Variants in NKAIN2 observed in about 807,000 individuals in gnomAD.
NKAIN2 encodes the protein sodium/potassium-transporting ATPase subunit beta-1-interacting protein 2.
In NKAIN2, 14 loss-of-function variants were observed where a neutral mutation model predicts 32.6. The ratio of observed to expected loss-of-function variants is 0.43; its 90% CI spans 0.28 to 0.67. The LOEUF (loss-of-function observed/expected upper bound fraction) is 0.67, where lower values mean the gene tolerates loss of function less well. Among genes scored for constraint, NKAIN2 ranks in the 30% least tolerant of loss-of-function variants. NKAIN2 has a pLI of 0.17. For missense variants in NKAIN2, 198 were observed against 258.3 expected (o/e 0.77, Z 1.60); for synonymous variants, 80 against 87.2 (o/e 0.92, Z 0.46).
chr6:124,008,647 G>T (rs1780186488), intron 1 of NKAIN2, among the ~76,000 whole-genome samples: 2 of 152,046 alleles, frequency 1.3e-5, no homozygotes, highest in Non-Finnish European at 1.5e-5. Flanking sequence ...GCGTGTTTAT[G>T]AAAATCCTTG....
chr6:123,894,895 T>C (rs1479470133), intron 1 of NKAIN2, among the ~76,000 whole-genome samples: 1 of 151,942 alleles, frequency 6.6e-6, no homozygotes, highest in Admixed American at 6.6e-5. Flanking sequence ...AATATATCAG[T>C]CAGGCTAAAT....
intron 1 of NKAIN2, among the ~76,000 whole-genome samples, chr6:123,832,205 T>C (rs998151793): frequency 2.6e-5 from 4 of 152,212 alleles, no homozygotes; most frequent in Non-Finnish European, 5.9e-5. Context: ...TTTCCAGATA[T>C]CATATAGTTG....
intron 1 of NKAIN2, among the ~76,000 whole-genome samples, chr6:124,020,997 T>C (rs1243768629): frequency 6.6e-6 from 1 of 152,118 alleles, no homozygotes; most frequent in East Asian, 1.9e-4. Flanking sequence ...GACTATGGAA[T>C]ATATAACCAT....
At chr6:124,386,556 T>G (rs1028954460) in intron 3 of NKAIN2, among the ~76,000 whole-genome samples, 1 of 152,190 alleles carries the variant, frequency 6.6e-6, no homozygotes, top group African/African-American at 2.4e-5. Flanking sequence ...CATTGAAAGC[T>G]CTGCTCTTGT....
chr6:123,976,371 CCATATATATATA>C (rs1778617829), intron 1 of NKAIN2, among the ~76,000 whole-genome samples: 1 of 5,452 alleles, frequency 1.8e-4, no homozygotes, highest in African/African-American at 3.9e-4. Context: ...ATATATATTC[CCATATATATATA>C]TATATATATA....
chr6:124,287,084 C>T (rs1412056658), intron 2 of NKAIN2, among the ~76,000 whole-genome samples: 1 of 152,156 alleles, frequency 6.6e-6, no homozygotes, highest in African/African-American at 2.4e-5. Flanking sequence ...ACCTTTAAAA[C>T]ATCATAAAGC....
chr6:124,049,895 G>A (rs745880613), intron 1 of NKAIN2, among the ~76,000 whole-genome samples: 15 of 152,004 alleles, frequency 9.9e-5, no homozygotes, highest in Non-Finnish European at 2.1e-4. Flanking sequence ...CAGTTTGGAC[G>A]TGCCAAAGAC....
intron 3 of NKAIN2, among the ~76,000 whole-genome samples, chr6:124,444,117 A>G (rs752612572): frequency 2.0e-5 from 3 of 152,126 alleles, no homozygotes; most frequent in Non-Finnish European, 2.9e-5. Context: ...AGCACCTGGC[A>G]TGCAGTAGGA....
At chr6:124,658,478 A>T (rs1162878032) in intron 4 of NKAIN2, 92 bp downstream of exon 4, 2 of 1,591,854 alleles carry the variant, frequency 1.3e-6, no homozygotes. Context: ...ATCTGTGGGT[A>T]AAGTGTGGCC....
chr6:124,621,233 G>A (rs1783096644), intron 3 of NKAIN2, among the ~76,000 whole-genome samples: 1 of 152,166 alleles, frequency 6.6e-6, no homozygotes, highest in African/African-American at 2.4e-5. Context: ...GGACTACGCT[G>A]ATGGAATTTC....
At chr6:123,920,927 G>A (rs1167924594) in intron 1 of NKAIN2, among the ~76,000 whole-genome samples, 1 of 152,190 alleles carries the variant, frequency 6.6e-6, no homozygotes, top group African/African-American at 2.4e-5. Context: ...TAAGGATGTT[G>A]TTTGTAATCT....
intron 1 of NKAIN2, among the ~76,000 whole-genome samples, chr6:123,855,373 A>G (rs1775517491): frequency 1.3e-5 from 2 of 152,248 alleles, no homozygotes; most frequent in African/African-American, 4.8e-5. Flanking sequence ...TCAATGTGAC[A>G]TCATATTTCC....
intron 2 of NKAIN2, among the ~76,000 whole-genome samples, chr6:124,288,971 T>C (rs1795683091): frequency 7.3e-6 from 1 of 136,610 alleles, no homozygotes; most frequent in Non-Finnish European, 1.5e-5. Context: ...TGGTTTCCTG[T>C]TTTGTTACTG....
At chr6:124,461,341 C>A (rs1776523761) in intron 3 of NKAIN2, among the ~76,000 whole-genome samples, 1 of 151,690 alleles carries the variant, frequency 6.6e-6, no homozygotes, top group Non-Finnish European at 1.5e-5. Flanking sequence ...AGACTGATTT[C>A]TTTCCACACT....
intron 1 of NKAIN2, among the ~76,000 whole-genome samples, chr6:124,188,052 T>A (rs984171899): frequency 6.6e-6 from 1 of 152,212 alleles, no homozygotes; most frequent in Non-Finnish European, 1.5e-5. Context: ...AGCCTTATTA[T>A]TCCACATTAC....
At chr6:123,963,990 CCAAA>C (rs931148909) in intron 1 of NKAIN2, among the ~76,000 whole-genome samples, 1 of 151,988 alleles carries the variant, frequency 6.6e-6, no homozygotes, top group Non-Finnish European at 1.5e-5. Context: ...ATTATAGAGG[CCAAA>C]CATTGTTCTA....
intron 1 of NKAIN2, among the ~76,000 whole-genome samples, chr6:123,883,682 A>G (rs1341992726): frequency 6.7e-6 from 1 of 149,968 alleles, no homozygotes; most frequent in Admixed American, 6.6e-5. Context: ...ACCTCTTTAA[A>G]AAAAAAAATT....
Position 124,079,508 on chromosome 6 carries a change from T to C in NKAIN2, c.55-203497T>C, listed in dbSNP as rs1017383152. ...CATTTGTTTCTCCTGGGTATCTGTG[T>C]GTTTGTGTGAGTTTGAGAGAGAAAC... On this transcript the variant is annotated intron_variant, in intron 1 of 6. Coordinates refer to ENST00000368417, the MANE Select transcript of NKAIN2 (RefSeq NM_001040214.3). Among the ~76,000 whole-genome samples the C allele has an allele frequency of 4.1e-4, 62 of 152,304 alleles. 1 individual carries two copies. The highest frequency in any genetic ancestry group is 1.4e-3 in the African/African-American group (60 of 41,566).
chr6:124,786,019 G>A (rs1300462715), intron 4 of NKAIN2, among the ~76,000 whole-genome samples: 1 of 152,092 alleles, frequency 6.6e-6, no homozygotes. Flanking sequence ...TTTCTATGGT[G>A]TTGGCTAAAA....
Sources: allele counts gnomAD v4.1 joint callset (sites outside exome capture counted in the v4.1 genomes callset), GRCh38; gene constraint gnomAD v4.1.1; transcripts MANE v1.5; gene names NCBI Gene and HGNC (gene_info 2026-07-23, HGNC 2026-07-21).